LINGO2: variants seen among roughly 807,000 people sequenced by gnomAD.
LINGO2 encodes leucine-rich repeat and immunoglobulin-like domain-containing nogo receptor-interacting protein 2.
LINGO2 carries 14 observed loss-of-function variants against 30.6 expected under a neutral mutation model. The ratio of observed to expected loss-of-function variants is 0.46; its 90% CI spans 0.30 to 0.72. The LOEUF is 0.72. LINGO2 is among the 30% of genes least tolerant of loss of function. The pLI, the probability that LINGO2 is intolerant of heterozygous loss-of-function variation, is 0.07. For synonymous variants in LINGO2, 317 were observed against 288.5 expected, an observed-to-expected ratio of 1.10 and a Z score of -1.00; for missense variants, 729 against 751.7, an observed-to-expected ratio of 0.97 and a Z score of 0.35.
At chr9:29,047,051 A>AACAAAAAAAAAAAAAAC in the LINGO2 span, among the ~76,000 whole-genome samples, 2 of 106,908 alleles carry the variant, frequency 1.9e-5, no homozygotes. Flanking sequence ...AAAAAAAAAA[A>AACAAAAAAAAAAAAAAC]CCAAAAACAA....
At chr9:28,490,590 C>A (rs572632026) in intron 1 of LINGO2, among the ~76,000 whole-genome samples, 10 of 152,268 alleles carry the variant, frequency 6.6e-5, no homozygotes, top group African/African-American at 2.4e-4. Flanking sequence ...TAAAGGTAAT[C>A]TTGAATTAAT....
chr9:29,131,772 A>AT, the LINGO2 span, among the ~76,000 whole-genome samples: 1 of 152,140 alleles, frequency 6.6e-6, no homozygotes, highest in Admixed American at 6.6e-5. Context: ...AATGCATCAT[A>AT]TAAAAAACCT....
chr9:28,766,809 G>GGA, the LINGO2 span, among the ~76,000 whole-genome samples: 11 of 21,328 alleles, frequency 5.2e-4, no homozygotes, highest in East Asian at 1.6e-3. Context: ...AGAGAGGGAA[G>GGA]GAGAGAGAGA....
At chr9:28,633,792 T>C (rs1386698422) in intron 1 of LINGO2, among the ~76,000 whole-genome samples, 2 of 152,342 alleles carry the variant, frequency 1.3e-5, no homozygotes, top group Admixed American at 6.5e-5. Flanking sequence ...CTTTGTAGTG[T>C]AGTACCAGGC....
At chr9:28,471,062 T>C (rs1161247356) in intron 2 of LINGO2, among the ~76,000 whole-genome samples, 1 of 151,902 alleles carries the variant, frequency 6.6e-6, no homozygotes, top group Non-Finnish European at 1.5e-5. Context: ...CTATGCTTCT[T>C]AATGCCTCTT....
At chr9:28,891,428 C>T in the LINGO2 span, among the ~76,000 whole-genome samples, 211 of 151,580 alleles carry the variant, frequency 1.4e-3, no homozygotes, top group Non-Finnish European at 1.9e-3. Flanking sequence ...AGCCCTGTTA[C>T]TGAATTTACA....
At chr9:29,000,305 G>T in the LINGO2 span, among the ~76,000 whole-genome samples, 3 of 151,752 alleles carry the variant, frequency 2.0e-5, no homozygotes, top group African/African-American at 4.8e-5. Context: ...TTTTTAAAAA[G>T]ACTTAATATA....
chr9:28,314,216 G>A (rs779903043), intron 3 of LINGO2, among the ~76,000 whole-genome samples: 2 of 152,122 alleles, frequency 1.3e-5, no homozygotes, highest in Non-Finnish European at 2.9e-5. Flanking sequence ...TTACAGGCGT[G>A]AGCCACCGCG....
chr9:28,743,972 T>C, the LINGO2 span, among the ~76,000 whole-genome samples: 1 of 151,638 alleles, frequency 6.6e-6, no homozygotes, highest in Non-Finnish European at 1.5e-5. Context: ...TCCCCATTTC[T>C]CTACTGCTTT....
the LINGO2 span, among the ~76,000 whole-genome samples, chr9:29,111,767 G>T: frequency 6.9e-6 from 1 of 145,240 alleles, no homozygotes; most frequent in Non-Finnish European, 1.5e-5. Flanking sequence ...TCGGAAGGTG[G>T]TGAGGGCATA....
intron 2 of LINGO2, among the ~76,000 whole-genome samples, chr9:28,457,793 G>A (rs760366158): frequency 6.6e-6 from 1 of 152,040 alleles, no homozygotes; most frequent in Non-Finnish European, 1.5e-5. Flanking sequence ...GAGAATGAGA[G>A]CAACATTGTA....
At chr9:28,385,976 T>G (rs1344606863) in intron 2 of LINGO2, among the ~76,000 whole-genome samples, 1 of 152,188 alleles carries the variant, frequency 6.6e-6, no homozygotes, top group African/African-American at 2.4e-5. Flanking sequence ...TTCTGGGAAC[T>G]CAGACATGAT....
At chr9:28,878,865 A>G in the LINGO2 span, among the ~76,000 whole-genome samples, 1 of 152,288 alleles carries the variant, frequency 6.6e-6, no homozygotes, top group Non-Finnish European at 1.5e-5. Context: ...ATCTATGACA[A>G]ACCCACAGCC....
the LINGO2 span, among the ~76,000 whole-genome samples, chr9:28,970,213 T>C: frequency 2.0e-5 from 3 of 152,088 alleles, no homozygotes; most frequent in African/African-American, 7.2e-5. Flanking sequence ...AAGAAGTGGC[T>C]GATGAGACAT....
At chr9:28,339,309 T>C (rs1825690695) in intron 3 of LINGO2, among the ~76,000 whole-genome samples, 1 of 152,178 alleles carries the variant, frequency 6.6e-6, no homozygotes, top group South Asian at 2.1e-4. Flanking sequence ...CTATTTTCAG[T>C]TCATTATCCA....
intron 4 of LINGO2, among the ~76,000 whole-genome samples, chr9:28,045,681 A>T (rs897958312): frequency 6.6e-6 from 1 of 152,192 alleles, no homozygotes; most frequent in African/African-American, 2.4e-5. Flanking sequence ...ACCAAATTAA[A>T]CACATTACAA....
rs533630170 is a variant in LINGO2, at chr9:28,129,867, T to A, written c.-86-117462A>T. 6.6e-6 allele frequency among the ~76,000 whole-genome samples: 1 copy of A among 152,170 alleles called. No homozygotes were observed. Among genetic ancestry groups the A allele is most frequent in the South Asian group, 2.1e-4 (1 of 4,832 alleles). On this transcript the variant is annotated intron_variant, in intron 4 of 5. Transcript: ENST00000379992. The surrounding 1 kb of genome is among the most constrained non-coding windows in gnomAD (Gnocchi z 4.0). ...AGAACACTTGGAAAATAAAGAAACA[T>A]GCATAGAAAAAATATGTTGTTCTTT...
the LINGO2 span, among the ~76,000 whole-genome samples, chr9:29,212,562 A>G: frequency 6.6e-6 from 1 of 151,364 alleles, no homozygotes; most frequent in African/African-American, 2.4e-5. Flanking sequence ...ACAGCTCTCT[A>G]TGGCAATTGG....
intron 3 of LINGO2, among the ~76,000 whole-genome samples, chr9:28,308,374 C>G (rs1470404597): frequency 7.4e-6 from 1 of 135,218 alleles, no homozygotes; most frequent in Non-Finnish European, 1.6e-5. Flanking sequence ...AACTGGCTAG[C>G]CATATGTAGA....
Sources: allele counts gnomAD v4.1 joint callset (sites outside exome capture counted in the v4.1 genomes callset), GRCh38; gene constraint gnomAD v4.1.1; non-coding constraint Gnocchi (gnomAD v3.1); transcripts MANE v1.5; gene names NCBI Gene and HGNC (gene_info 2026-07-23, HGNC 2026-07-21).